Variants in CNNM2 observed in about 807,000 individuals in gnomAD.
CNNM2 encodes the protein metal transporter CNNM2.
CNNM2 carries 12 observed loss-of-function variants against 66.9 expected under a neutral mutation model. That is an observed-to-expected ratio of 0.18 (90% CI 0.11 to 0.29). The LOEUF is 0.29. CNNM2 is among the 10% of genes least tolerant of loss of function. The pLI is 1.00. For synonymous variants in CNNM2, 557 were observed against 501.8 expected (o/e 1.11, Z -1.47); for missense variants, 705 against 1,167.7 (o/e 0.60, Z 5.77).
In CNNM2 at chr10:102,918,571, C is replaced by T. The variant is rs1162338591; in HGVS notation, c.91C>T (p.Arg31Cys). Residue 31 changes from arginine (R) to cysteine (C), a missense_variant, in exon 1 of 8, where the codon CGC becomes TGC. Arg to Cys is a radical substitution (Grantham distance 180, BLOSUM62 -3). Coordinates refer to ENST00000369878, the MANE Select transcript of CNNM2 (RefSeq NM_017649.5). This position sits in a 1 kb window ranked among gnomAD's most constrained non-coding sequence, Gnocchi z 4.1. The stretch of plus-strand genomic sequence containing the variant: ...GCCCACTTGGAAGATGGCGGCGCGC[C>T]GCAGCCTCAGCGCTCGCGGCCGGGG... The part of the protein sequence containing the change: ...ALPTWKMAAR[R>C]SLSARGRGIL... The T allele has an allele frequency of 2.5e-6, 4 of 1,583,064 alleles. No individual in the cohort carries two copies. Among genetic ancestry groups the T allele is most frequent in the East Asian group, 4.7e-5 (2 of 42,314 alleles).
At chr10:103,076,849 T>C (rs531122547) in intron 7 of CNNM2, 122 bp from the exon 8 acceptor site, 5 of 865,526 alleles carry the variant, frequency 5.8e-6, no homozygotes, top group African/African-American at 5.0e-5. Context: ...CTCACTGCGC[T>C]CAAGTGTGAT....
intron 1 of CNNM2, among the ~76,000 whole-genome samples, chr10:102,963,442 T>C (rs1278115754): frequency 1.3e-5 from 2 of 152,208 alleles, no homozygotes; most frequent in African/African-American, 2.4e-5. Flanking sequence ...CCCAATATCA[T>C]GTTTGTTCAG....
intron 1 of CNNM2, among the ~76,000 whole-genome samples, chr10:102,949,613 A>G (rs1317376608): frequency 1.3e-5 from 2 of 152,002 alleles, no homozygotes; most frequent in Non-Finnish European, 2.9e-5. Context: ...GAGAAACCCC[A>G]TCTCTACTGA....
intron 1 of CNNM2, among the ~76,000 whole-genome samples, chr10:103,043,445 C>A (rs899645287): frequency 1.3e-5 from 2 of 152,150 alleles, no homozygotes; most frequent in African/African-American, 4.8e-5. Flanking sequence ...TTACAGGTGT[C>A]CTTGTTGGCT....
At chr10:103,066,107 G>A (rs1413573210) in intron 4 of CNNM2, among the ~76,000 whole-genome samples, 1 of 152,160 alleles carries the variant, frequency 6.6e-6, no homozygotes, top group Admixed American at 6.5e-5. Flanking sequence ...AGCACCTTGA[G>A]GCCCTGACCG....
intron 1 of CNNM2, among the ~76,000 whole-genome samples, chr10:103,047,168 A>C (rs2134325581): frequency 6.6e-6 from 1 of 152,356 alleles, no homozygotes; most frequent in Admixed American, 6.5e-5. Flanking sequence ...CCAATGGAGA[A>C]ACCTGGGAAA....
chr10:102,964,927 C>T (rs938286895), intron 1 of CNNM2, among the ~76,000 whole-genome samples: 1 of 152,044 alleles, frequency 6.6e-6, no homozygotes, highest in East Asian at 1.9e-4. Flanking sequence ...TGATTGAAGC[C>T]CTCATAAAAG....
intron 2 of CNNM2, among the ~76,000 whole-genome samples, chr10:103,051,857 T>G (rs1202357089): frequency 1.3e-5 from 2 of 152,200 alleles, no homozygotes; most frequent in African/African-American, 4.8e-5. Context: ...CTGAATAGCA[T>G]TCTTAAAAAA....
chr10:103,025,312 A>G (rs1387749558), intron 1 of CNNM2, among the ~76,000 whole-genome samples: 1 of 152,036 alleles, frequency 6.6e-6, no homozygotes, highest in African/African-American at 2.4e-5. Flanking sequence ...GATGGTCTTG[A>G]TCTCCTGACC....
rs1042615515 is a variant in CNNM2 at position 103,084,878 on chromosome 10, T to A, written c.*7698T>A. ...TTCTGGAAACTTATTTTATACTTTT[T>A]GAAGGTAATTTAAAAGAGATGATTC... On this transcript the variant is annotated 3_prime_UTR_variant, in exon 8 of 8. Transcript: ENST00000369878. 5.3e-5 allele frequency: 8 copies of A among 152,186 alleles called. No individual in the cohort carries two copies. The highest frequency in any genetic ancestry group is 5.2e-4 in the Admixed American group (8 of 15,276). The allele number at this position is 152,186 out of a possible 1,614,324, so 9.4% of individuals were successfully genotyped here. A position where few individuals can be genotyped will look rare whatever the true frequency, so the allele number is the denominator to read the frequency against.
In CNNM2 at chr10:103,084,356, A is replaced by C. The variant is rs868741861; in HGVS notation, c.*7176A>C. 10 of 152,152 alleles carry C rather than the reference A, an allele frequency of 6.6e-5. No homozygotes were observed. Among genetic ancestry groups the C allele is most frequent in the Non-Finnish European group, 1.5e-4 (10 of 68,034 alleles). The allele number at this position is 152,152 out of a possible 1,614,324, so 9.4% of individuals were successfully genotyped here. ...TGGCTTTCAGACACTGCCTGACCTA[A>C]CTACCGCTCCCATCTCCCCAGGTAT... On this transcript the variant is annotated 3_prime_UTR_variant, in exon 8 of 8. Transcript: ENST00000369878.
chr10:102,956,816 G>T (rs769380215), intron 1 of CNNM2, among the ~76,000 whole-genome samples: 7 of 151,996 alleles, frequency 4.6e-5, no homozygotes, highest in Non-Finnish European at 8.8e-5. Context: ...ACTGGGGCCT[G>T]TCATGTGGTG....
intron 1 of CNNM2, among the ~76,000 whole-genome samples, chr10:102,988,451 C>G (rs1590355228): frequency 6.6e-6 from 1 of 152,112 alleles, no homozygotes; most frequent in East Asian, 1.9e-4. Flanking sequence ...TACAAAAGTG[C>G]TTTCGTTTGA....
intron 1 of CNNM2, among the ~76,000 whole-genome samples, chr10:102,990,124 T>G (rs1041244439): frequency 2.0e-5 from 3 of 151,894 alleles, no homozygotes; most frequent in African/African-American, 7.2e-5. Context: ...CTTTGTTGTT[T>G]TTTGTTTGTT....
chr10:103,076,419 T>G, intron 7 of CNNM2, 149 bp downstream of exon 7: 1 of 752,608 alleles, frequency 1.3e-6, no homozygotes, highest in Non-Finnish European at 2.2e-6. Flanking sequence ...ACACACCCTG[T>G]CTTCGTCTGC....
At chr10:103,051,104 G>T (rs896082050) in intron 2 of CNNM2, among the ~76,000 whole-genome samples, 1 of 152,114 alleles carries the variant, frequency 6.6e-6, no homozygotes, top group African/African-American at 2.4e-5. Context: ...GGTCATTCAG[G>T]ATAAAGTCTG....
intron 1 of CNNM2, among the ~76,000 whole-genome samples, chr10:102,995,787 C>A (rs147763879): frequency 1.5e-4 from 23 of 151,708 alleles, no homozygotes; most frequent in Admixed American, 5.3e-4. Flanking sequence ...AGTGCAGTGG[C>A]GTGATCTCGG....
At chr10:103,000,843 T>A (rs1222732995) in intron 1 of CNNM2, among the ~76,000 whole-genome samples, 1 of 152,170 alleles carries the variant, frequency 6.6e-6, no homozygotes, top group Non-Finnish European at 1.5e-5. Context: ...CTTCCCAGAG[T>A]GCTGGGATTG....
intron 1 of CNNM2, among the ~76,000 whole-genome samples, chr10:102,955,198 G>A (rs1423314165): frequency 6.6e-6 from 1 of 152,122 alleles, no homozygotes; most frequent in African/African-American, 2.4e-5. Context: ...CAATGGAACA[G>A]AACAGAGGCC....
Sources: allele counts gnomAD v4.1 joint callset (sites outside exome capture counted in the v4.1 genomes callset), GRCh38; gene constraint gnomAD v4.1.1; non-coding constraint Gnocchi (gnomAD v3.1); transcripts MANE v1.5; gene names NCBI Gene and HGNC (gene_info 2026-07-23, HGNC 2026-07-21).